Variants in HIVEP2 observed in about 807,000 individuals in gnomAD.
HIVEP2 encodes HIVEP zinc finger 2.
In HIVEP2, 14 loss-of-function variants were observed where a neutral mutation model predicts 180.7. The ratio of observed to expected loss-of-function variants is 0.08; its 90% confidence interval spans 0.05 to 0.12. HIVEP2 has a LOEUF of 0.12. HIVEP2 is among the 10% of genes least tolerant of loss of function. The pLI is 1.00. For synonymous variants in HIVEP2, 1,184 were observed against 1,136.4 expected, an observed-to-expected ratio of 1.04 and a Z score of -0.84; for missense variants, 2,579 against 3,008.5, an observed-to-expected ratio of 0.86 and a Z score of 3.34.
At position 142,772,470 on chromosome 6, in the gene HIVEP2, G is replaced by A. The variant is rs372948812; in HGVS notation, c.2269C>T (p.Arg757Cys). The change falls in exon 5 of 10, where the codon CGC becomes TGC. Residue 757 changes from arginine to cysteine, a missense_variant. By Grantham distance (180) the Arg-to-Cys change is radical. This residue lies in a region of HIVEP2 where 524 missense variants were observed against 563.6 expected (regional missense o/e 0.93). Transcript: ENST00000367603. The surrounding 1 kb of genome is among the most constrained non-coding windows in gnomAD (Gnocchi z 4.9). ...HENLSHGHTE[R>C]FDPCRPQLQP... Reference sequence around the variant, plus strand: ...AGTTGGGGCCGACATGGGTCAAAGCGTTCCGTGTGACCATGAGAAAGGTTT... The same window carrying A: ...AGTTGGGGCCGACATGGGTCAAAGCATTCCGTGTGACCATGAGAAAGGTTT... 1.2e-4 allele frequency: 191 copies of A among 1,614,140 alleles called. 1 individual carries two copies. The highest frequency in any genetic ancestry group is 5.8e-4 in the South Asian group (53 of 91,082).
At chr6:142,817,799 G>T (rs1335980010) in intron 2 of HIVEP2, among the ~76,000 whole-genome samples, 2 of 152,032 alleles carry the variant, frequency 1.3e-5, no homozygotes, top group African/African-American at 4.8e-5. Flanking sequence ...CAGGGGGATA[G>T]CCTGAGGTCA....
chr6:142,837,512 A>T (rs939023502), intron 1 of HIVEP2, among the ~76,000 whole-genome samples: 3 of 152,122 alleles, frequency 2.0e-5, no homozygotes, highest in African/African-American at 7.2e-5. Flanking sequence ...TAATATCTAG[A>T]CAGATCATTT....
chr6:142,755,689 T>C lies in HIVEP2; in HGVS notation c.6517-1758A>G, dbSNP rs150540882. On this transcript the variant is annotated intron_variant, in intron 9 of 9. Coordinates refer to ENST00000367603, the MANE Select transcript of HIVEP2 (RefSeq NM_006734.4). ...AAATCCAGGCTGACAAATGGAGTCA[T>C]GAATTGTCCTCTAAAACTACAATAA... Among the ~76,000 whole-genome samples the C allele has an allele frequency of 5.0e-4, 76 of 152,320 alleles. No individual in the cohort carries two copies. The East Asian group carries it at 0.014, about 29-fold the overall frequency.
chr6:142,785,407 T>C (rs1379655485), intron 2 of HIVEP2, among the ~76,000 whole-genome samples: 2 of 143,904 alleles, frequency 1.4e-5, no homozygotes, highest in African/African-American at 2.6e-5. Flanking sequence ...AAGACATAAA[T>C]GGGCCAAGGT....
In HIVEP2 at chr6:142,773,404, C is replaced by G. The variant is rs778836817; in HGVS notation, c.1335G>C (p.Gln445His). 1 of 1,614,052 alleles carries G rather than the reference C, an allele frequency of 6.2e-7. No individual in the cohort carries two copies. The highest frequency in any genetic ancestry group is 8.5e-7 in the Non-Finnish European group (1 of 1,180,046). ...CCTTCCTACCCATTGCGGCACGCTC[C>G]TGACTTGTGGTTGTAACACTGAGTG... is the stretch of plus-strand genomic sequence containing the variant. ...RNALSVTTTS[Q>H]ERAAMGRKGI... The change falls in exon 5 of 10, where the codon CAG becomes CAC. Residue 445 changes from glutamine to histidine, a missense_variant. This residue lies in a region of HIVEP2 where 524 missense variants were observed against 563.6 expected (regional missense o/e 0.93). Coordinates refer to ENST00000367603, the MANE Select transcript of HIVEP2 (RefSeq NM_006734.4).
At chr6:142,938,353 T>C (rs1778103101) in intron 1 of HIVEP2, among the ~76,000 whole-genome samples, 1 of 152,242 alleles carries the variant, frequency 6.6e-6, no homozygotes, top group Admixed American at 6.5e-5. Flanking sequence ...TAGCGTTTCA[T>C]ATGTACACTA....
chr6:142,857,452 T>C (rs1775853532), intron 1 of HIVEP2, among the ~76,000 whole-genome samples: 1 of 152,228 alleles, frequency 6.6e-6, no homozygotes, highest in Non-Finnish European at 1.5e-5. Context: ...CCGGCCATAA[T>C]GACCAGGTTA....
At chr6:142,858,171 T>C (rs182695926) in intron 1 of HIVEP2, among the ~76,000 whole-genome samples, 1 of 152,340 alleles carries the variant, frequency 6.6e-6, no homozygotes. Context: ...TTTCTGTTTA[T>C]ACTATGCCGT....
chr6:142,865,355 A>G (rs977846218), intron 1 of HIVEP2, among the ~76,000 whole-genome samples: 1 of 152,178 alleles, frequency 6.6e-6, no homozygotes, highest in Non-Finnish European at 1.5e-5. Flanking sequence ...GAAAGACATA[A>G]AAATCCTAAT....
At chr6:142,870,043 T>C (rs1582928336) in intron 1 of HIVEP2, among the ~76,000 whole-genome samples, 1 of 152,008 alleles carries the variant, frequency 6.6e-6, no homozygotes, top group South Asian at 2.1e-4. Flanking sequence ...TAAAACCATC[T>C]GGCAGCCGTG....
Position 142,753,055 on chromosome 6 carries a change from A to C in HIVEP2, c.*52T>G. The C allele has an allele frequency of 8.3e-7, 1 of 1,203,382 alleles. No individual in the cohort carries two copies. 74.5% of individuals were successfully genotyped at this position (1,203,382 alleles called of 1,614,324 possible). ...GGATTACCTCCATTTCTAGAAAAAC[A>C]AAAACAAAAAAATGGGAAAATGTGG... On this transcript the variant is annotated 3_prime_UTR_variant, in exon 10 of 10. Coordinates refer to ENST00000367603, the MANE Select transcript of HIVEP2 (RefSeq NM_006734.4).
intron 2 of HIVEP2, among the ~76,000 whole-genome samples, chr6:142,807,588 T>TA (rs140787104): frequency 0.051 from 7,767 of 152,296 alleles, 272 homozygotes; most frequent in Middle Eastern, 0.11. Context: ...CCAAACGCCT[T>TA]AAACAGTAGT....
intron 1 of HIVEP2, among the ~76,000 whole-genome samples, chr6:142,865,762 G>A (rs1397349558): frequency 6.6e-6 from 1 of 152,166 alleles, no homozygotes. Flanking sequence ...AGATAGAGGT[G>A]AACCAGAAAG....
At chr6:142,834,585 A>G (rs1775176634) in intron 2 of HIVEP2, among the ~76,000 whole-genome samples, 2 of 152,264 alleles carry the variant, frequency 1.3e-5, no homozygotes, top group South Asian at 2.1e-4. Context: ...TTTAAAATGA[A>G]TAATGTCAAG....
rs57458259 is a variant in HIVEP2 at position 142,785,309 on chromosome 6, C to CAAAAAA, written c.-527-1700_-527-1695dup. ...GGCTAAAGTAAAGCATGGCATTCCT[C>CAAAAAA]AAAAAAAAAAAAAAAAAAAAAAAAA... On this transcript the variant is annotated intron_variant, in intron 2 of 9. Transcript: ENST00000367603. Among the ~76,000 whole-genome samples, 46 of 65,388 alleles carry CAAAAAA rather than the reference C, an allele frequency of 7.0e-4. 1 individual carries two copies. Among genetic ancestry groups the CAAAAAA allele is most frequent in the African/African-American group, 8.8e-4 (18 of 20,548 alleles). 42.9% of individuals were successfully genotyped at this position (65,388 alleles called of 152,430 possible).
rs1310221187 is a variant in HIVEP2, at chr6:142,771,340, C to T, written c.3399G>A (p.Glu1133=). ...GACCCGCCACCTGCTTCCCTGGGTC[C>T]TCTTGCTGAAGAGGAGGCAGCACAG... ...PPAVLPPLQQ[E]DPGKQVAGPC... The change falls in exon 5 of 10, where the codon GAG becomes GAA. Residue 1133 remains glutamate, a synonymous_variant. Coordinates refer to ENST00000367603, the MANE Select transcript of HIVEP2 (RefSeq NM_006734.4). This position sits in a 1 kb window ranked among gnomAD's most constrained non-coding sequence, Gnocchi z 5.4. The T allele has an allele frequency of 1.9e-6, 3 of 1,612,968 alleles. No homozygotes were observed. Among genetic ancestry groups the T allele is most frequent in the Non-Finnish European group, 2.5e-6 (3 of 1,179,986 alleles).
At chr6:142,944,433 A>ACAC (rs1490815022) in intron 1 of HIVEP2, among the ~76,000 whole-genome samples, 1 of 140,260 alleles carries the variant, frequency 7.1e-6, no homozygotes, top group African/African-American at 2.8e-5. Flanking sequence ...ACACCCACAC[A>ACAC]CACACACACA....
chr6:142,938,972 T>TAA (rs1778114756), intron 1 of HIVEP2, among the ~76,000 whole-genome samples: 1 of 152,198 alleles, frequency 6.6e-6, no homozygotes, highest in Non-Finnish European at 1.5e-5. Context: ...GCCCATTCCT[T>TAA]ATACATGTAT....
intron 6 of HIVEP2, among the ~76,000 whole-genome samples, chr6:142,767,417 C>T (rs1290249351): frequency 1.3e-5 from 2 of 152,186 alleles, no homozygotes; most frequent in East Asian, 3.8e-4. Context: ...CATCTCCAAA[C>T]CGGTAATGCT....
Sources: gnomAD v4.1 joint callset for allele counts (sites outside exome capture counted in the v4.1 genomes callset) on GRCh38, gnomAD v4.1.1 for gene constraint, gnomAD v4.1.1 regional missense constraint, Gnocchi (gnomAD v3.1) non-coding constraint, MANE v1.5 for transcripts, NCBI Gene and HGNC (gene_info 2026-07-23, HGNC 2026-07-21) for gene names.